ZSWIM6: variants seen among roughly 807,000 people sequenced by gnomAD.
ZSWIM6 encodes the protein zinc finger SWIM-type containing 6.
Under a neutral mutation model 113.2 loss-of-function variants are expected in ZSWIM6, and 9 were observed. The observed-to-expected ratio is 0.08, with a 90% CI of 0.05 to 0.14. The LOEUF (loss-of-function observed/expected upper bound fraction) is 0.14. ZSWIM6 is among the 10% of genes least tolerant of loss of function. The probability of loss-of-function intolerance (pLI) is 1.00; values close to 1 mark genes in which losing one functional copy is unlikely to be tolerated. For missense variants in ZSWIM6, 1,162 were observed against 1,552.2 expected (o/e 0.75, Z 4.22); for synonymous variants, 611 against 606.5 (o/e 1.01, Z -0.11).
intron 1 of ZSWIM6, among the ~76,000 whole-genome samples, chr5:61,367,247 C>G (rs1285570448): frequency 6.6e-6 from 1 of 152,008 alleles, no homozygotes; most frequent in Non-Finnish European, 1.5e-5. Context: ...GCCTTAAGTG[C>G]CTTTTTTCTT....
chr5:61,470,974 G>A (rs955668143), intron 1 of ZSWIM6, among the ~76,000 whole-genome samples: 5 of 152,212 alleles, frequency 3.3e-5, no homozygotes, highest in Non-Finnish European at 7.3e-5. Flanking sequence ...TGTCCTGTGT[G>A]TAAACTCTTA....
intron 1 of ZSWIM6, among the ~76,000 whole-genome samples, chr5:61,415,571 G>A (rs185714053): frequency 8.7e-5 from 13 of 149,372 alleles, no homozygotes; most frequent in Non-Finnish European, 1.3e-4. Context: ...CAGCCTGGGC[G>A]ACAGAGTGAG....
chr5:61,524,017 A>T (rs1749211706), intron 5 of ZSWIM6, among the ~76,000 whole-genome samples: 2 of 152,218 alleles, frequency 1.3e-5, no homozygotes, highest in African/African-American at 4.8e-5. Context: ...TACATGCATA[A>T]TACTAAGTTG....
chr5:61,378,226 C>A (rs1745409470), intron 1 of ZSWIM6, among the ~76,000 whole-genome samples: 1 of 152,084 alleles, frequency 6.6e-6, no homozygotes, highest in Non-Finnish European at 1.5e-5. Context: ...TAGCAAAACA[C>A]TGGAAACAAG....
At chr5:61,400,746 G>C (rs897135430) in intron 1 of ZSWIM6, among the ~76,000 whole-genome samples, 3 of 152,190 alleles carry the variant, frequency 2.0e-5, no homozygotes, top group African/African-American at 7.2e-5. Flanking sequence ...CTGTCAGGCT[G>C]TTGTCTCCTT....
In ZSWIM6 at chr5:61,394,817, T is replaced by C. The variant is rs532012146; in HGVS notation, c.676+61869T>C. 1.9e-4 allele frequency among the ~76,000 whole-genome samples: 29 copies of C among 152,276 alleles called. 2 individuals are homozygous for C. Among genetic ancestry groups the C allele is most frequent in the African/African-American group, 7.0e-4 (29 of 41,574 alleles). ...AATGGAGTGTGAAACAGTTACCCCC[T>C]TTTTCCAATTCAGATTCTGCACAGC... On this transcript the variant is annotated intron_variant, in intron 1 of 13. Coordinates refer to ENST00000252744, the MANE Select transcript of ZSWIM6 (RefSeq NM_020928.2).
intron 1 of ZSWIM6, among the ~76,000 whole-genome samples, chr5:61,409,994 G>A (rs1746121947): frequency 6.6e-6 from 1 of 152,160 alleles, no homozygotes; most frequent in Non-Finnish European, 1.5e-5. Flanking sequence ...TTTGATAAAG[G>A]GAGTTTTAGC....
At chr5:61,541,806 C>A in intron 12 of ZSWIM6, 78 bp from the exon 13 acceptor site, 1 of 1,224,264 alleles carries the variant, frequency 8.2e-7, no homozygotes, top group Non-Finnish European at 1.2e-6. Context: ...CCTTATATGC[C>A]TTATAGTTTA....
intron 1 of ZSWIM6, among the ~76,000 whole-genome samples, chr5:61,423,327 G>A (rs2112126915): frequency 6.6e-6 from 1 of 151,870 alleles, no homozygotes; most frequent in African/African-American, 2.4e-5. Context: ...AGAATCGCTT[G>A]AACCTGGGAG....
intron 11 of ZSWIM6, among the ~76,000 whole-genome samples, 199 bp from the exon 12 acceptor site, chr5:61,539,397 A>G (rs935278085): frequency 6.6e-6 from 1 of 152,162 alleles, no homozygotes; most frequent in Non-Finnish European, 1.5e-5. Context: ...ATTCACAGAC[A>G]TTGCAGTAAT....
At chr5:61,367,459 G>A (rs145281565) in intron 1 of ZSWIM6, among the ~76,000 whole-genome samples, 2 of 152,106 alleles carry the variant, frequency 1.3e-5, no homozygotes, top group African/African-American at 4.8e-5. Flanking sequence ...TCACTCTATT[G>A]GTCTTGAACT....
intron 1 of ZSWIM6, among the ~76,000 whole-genome samples, chr5:61,420,777 A>G (rs1251367426): frequency 6.6e-6 from 1 of 152,218 alleles, no homozygotes; most frequent in South Asian, 2.1e-4. Flanking sequence ...TAAATGGCAT[A>G]TCAATCACCT....
intron 1 of ZSWIM6, chr5:61,347,573 A>C (rs1413276194): frequency 6.5e-6 from 1 of 155,032 alleles, no homozygotes; most frequent in African/African-American, 2.4e-5. Context: ...TAGGGGGCAC[A>C]GGACAGCTCT....
At chr5:61,470,199 G>A (rs1330981228) in intron 1 of ZSWIM6, among the ~76,000 whole-genome samples, 1 of 152,236 alleles carries the variant, frequency 6.6e-6, no homozygotes, top group African/African-American at 2.4e-5. Context: ...AAGACATTGA[G>A]TTGGTTGGTG....
At chr5:61,417,195 A>G (rs982938445) in intron 1 of ZSWIM6, among the ~76,000 whole-genome samples, 5 of 152,162 alleles carry the variant, frequency 3.3e-5, no homozygotes, top group African/African-American at 1.2e-4. Context: ...CTGTAGACTA[A>G]TGGAAATTAG....
At chr5:61,372,451 T>C (rs76021431) in intron 1 of ZSWIM6, among the ~76,000 whole-genome samples, 3 of 152,182 alleles carry the variant, frequency 2.0e-5, no homozygotes, top group East Asian at 3.9e-4. Context: ...TTCATCTTAT[T>C]TGACAACTCA....
At chr5:61,358,195 CA>C (rs1297478357) in intron 1 of ZSWIM6, among the ~76,000 whole-genome samples, 2 of 152,114 alleles carry the variant, frequency 1.3e-5, no homozygotes, top group Non-Finnish European at 2.9e-5. Flanking sequence ...AAAGTTACTA[CA>C]GTGATAGCCC....
chr5:61,352,377 A>G (rs764478039), intron 1 of ZSWIM6, among the ~76,000 whole-genome samples: 1 of 152,244 alleles, frequency 6.6e-6, no homozygotes, highest in African/African-American at 2.4e-5. Flanking sequence ...GTTTGTATCC[A>G]TGGCTATCAG....
chr5:61,358,564 C>T (rs758509670), intron 1 of ZSWIM6, among the ~76,000 whole-genome samples: 3 of 152,122 alleles, frequency 2.0e-5, no homozygotes, highest in Non-Finnish European at 2.9e-5. Context: ...AACATATAGT[C>T]GTCTTATATT....
Sources: allele counts gnomAD v4.1 joint callset (sites outside exome capture counted in the v4.1 genomes callset), GRCh38; gene constraint gnomAD v4.1.1; transcripts MANE v1.5; gene names NCBI Gene and HGNC (gene_info 2026-07-23, HGNC 2026-07-21).